The following UBE2D1 variants were observed in gnomAD, a reference collection of about 807,000 sequenced individuals.
UBE2D1 encodes ubiquitin conjugating enzyme E2 D1, also known as ubiquitin-conjugating enzyme E2 D1.
A neutral mutation model predicts 24.6 loss-of-function variants in UBE2D1; 9 were observed. The ratio of observed to expected loss-of-function variants is 0.37; its 90% confidence interval spans 0.22 to 0.64. The LOEUF is 0.64. UBE2D1 is among the 30% of genes least tolerant of loss of function. The probability of loss-of-function intolerance (pLI) is 0.64; values close to 1 mark genes in which losing one functional copy is unlikely to be tolerated. For missense variants in UBE2D1, 87 were observed against 177.1 expected (o/e 0.49, Z 2.89); for synonymous variants, 57 against 57.6 (o/e 0.99, Z 0.04).
chr10:58,368,886 C>T lies in UBE2D1; in HGVS notation c.*121C>T. On this transcript the variant is annotated 3_prime_UTR_variant, in exon 7 of 7. Transcript: ENST00000373910. ...ACCATGAAACCATTTGATTTTTACC[C>T]ATTTTAAATGTGTTTCTGAAGCAAG... The T allele has an allele frequency of 1.8e-6, 1 of 558,622 alleles. No individual in the cohort carries two copies. Among genetic ancestry groups the T allele is most frequent in the South Asian group, 4.5e-5 (1 of 22,194 alleles). The allele number at this position is 558,622 out of a possible 1,614,324, so 34.6% of individuals were successfully genotyped here.
chr10:58,359,543 G>C (rs1840171708), intron 1 of UBE2D1, among the ~76,000 whole-genome samples: 1 of 152,098 alleles, frequency 6.6e-6, no homozygotes, highest in African/African-American at 2.4e-5. Context: ...AAGGATTACA[G>C]ATTCAACATA....
At position 58,335,148 on chromosome 10, in the gene UBE2D1, T is replaced by A. The variant is rs1839887156; in HGVS notation, c.-54T>A. The A allele has an allele frequency of 2.0e-6, 3 of 1,530,228 alleles. No homozygotes were observed. The highest frequency in any genetic ancestry group is 2.6e-6 in the Non-Finnish European group (3 of 1,140,968). The allele number at this position is 1,530,228 out of a possible 1,614,324, so 94.8% of individuals were successfully genotyped here. A position where few individuals can be genotyped will look rare whatever the true frequency, so the allele number is the denominator to read the frequency against. On this transcript the variant is annotated 5_prime_UTR_variant, in exon 1 of 7. Transcript: ENST00000373910. The stretch of plus-strand genomic sequence containing the variant: ...CCCAACCCGCGACGACCCACGCCCC[T>A]GAGCCCCGCAGCCGACCCCTGCCGG...
At position 58,361,345 on chromosome 10, in the gene UBE2D1, G is replaced by A; in HGVS notation, c.32G>A (p.Ser11Asn). The stretch of plus-strand genomic sequence containing the variant: ...ATTTTTGATTTCCTTCAGGAATTGA[G>A]TGATCTACAGCGCGATCCACCTGCT... MALKRIQKEL[S>N]DLQRDPPAHC... Residue 11 changes from serine (S) to asparagine (N), a missense_variant, in exon 2 of 7, where the codon AGT becomes AAT. Transcript: ENST00000373910. 2 of 1,614,196 alleles carry A rather than the reference G, an allele frequency of 1.2e-6. No homozygotes were observed. The highest frequency in any genetic ancestry group is 1.7e-6 in the Non-Finnish European group (2 of 1,180,022).
In UBE2D1 at chr10:58,360,677, T is replaced by C. The variant is rs147317041; in HGVS notation, c.25-661T>C. ...GGCTCATGCCTGTAATTCAATACTT[T>C]GGGAGGCCGAGGCAGGTGGATCACT... On this transcript the variant is annotated intron_variant, in intron 1 of 6. Transcript: ENST00000373910. Among the ~76,000 whole-genome samples, 772 of 152,304 alleles carry C rather than the reference T, an allele frequency of 5.1e-3. 1 individual carries two copies. The highest frequency in any genetic ancestry group is 8.8e-3 in the Non-Finnish European group (596 of 68,014).
rs559176305 is a variant in UBE2D1, at chr10:58,351,677, T to TA, written c.25-9659dup. 4.2e-3 allele frequency among the ~76,000 whole-genome samples: 634 copies of TA among 152,368 alleles called. 5 individuals carry two copies. The highest frequency in any genetic ancestry group is 7.6e-3 in the Non-Finnish European group (514 of 68,040). ...TAAGTAGAAAGAGTACATGCTGACA[T>TA]AATGATTAAAAGTACAATGTAGTAA... On this transcript the variant is annotated intron_variant, in intron 1 of 6. Transcript: ENST00000373910.
At chr10:58,361,589 C>T (rs2132330468) in intron 3 of UBE2D1, 63 bp downstream of exon 3, 2 of 1,600,948 alleles carry the variant, frequency 1.2e-6, no homozygotes, top group Non-Finnish European at 1.7e-6. Context: ...TGCCATTTCA[C>T]CTTTGATCAG....
intron 1 of UBE2D1, among the ~76,000 whole-genome samples, chr10:58,338,595 C>CT (rs543720971): frequency 3.3e-5 from 5 of 152,008 alleles, no homozygotes; most frequent in African/African-American, 9.7e-5. Context: ...ACTTGAAACA[C>CT]TTTTTTTGGG....
chr10:58,369,202 A>T lies in UBE2D1; in HGVS notation c.*437A>T, dbSNP rs968036005. On this transcript the variant is annotated 3_prime_UTR_variant, in exon 7 of 7. Transcript: ENST00000373910. ...TAATTTGTATTTTTTTACTGTATAG[A>T]CTAAATATATTCTATTTACATGTAT... The T allele has an allele frequency of 6.5e-6, 1 of 152,794 alleles. No individual in the cohort carries two copies. Among genetic ancestry groups the T allele is most frequent in the African/African-American group, 2.4e-5 (1 of 41,446 alleles). The allele number at this position is 152,794 out of a possible 1,614,324, so 9.5% of individuals were successfully genotyped here.
chr10:58,339,662 G>A (rs960313332), intron 1 of UBE2D1, among the ~76,000 whole-genome samples: 3 of 151,926 alleles, frequency 2.0e-5, no homozygotes, highest in Admixed American at 6.5e-5. Flanking sequence ...TGATACTAAG[G>A]CAGGGAAATA....
chr10:58,346,311 C>T (rs976080550), intron 1 of UBE2D1, among the ~76,000 whole-genome samples: 10 of 152,000 alleles, frequency 6.6e-5, no homozygotes, highest in African/African-American at 1.7e-4. Context: ...CATACCCGGC[C>T]GGAATGAACA....
intron 1 of UBE2D1, among the ~76,000 whole-genome samples, chr10:58,355,474 A>G (rs1194556510): frequency 1.3e-5 from 2 of 152,284 alleles, no homozygotes; most frequent in East Asian, 3.9e-4. Context: ...AAGCAACGTA[A>G]TGGGTTTTGA....
Position 58,364,806 on chromosome 10 carries a change from A to C in UBE2D1, c.234A>C (p.Ile78=). 6.2e-7 allele frequency: 1 copy of C among 1,613,680 alleles called. No individual in the cohort carries two copies. The highest frequency in any genetic ancestry group is 8.5e-7 in the Non-Finnish European group (1 of 1,179,814). ...CAACAAAAATTTACCATCCAAACAT[A>C]AACAGTAATGGAAGTATTTGTCTCG... The part of the protein sequence containing the change: ...AFTTKIYHPN[I]NSNGSICLDI... The change falls in exon 5 of 7, where the codon ATA becomes ATC. Residue 78 remains isoleucine, a synonymous_variant. Transcript: ENST00000373910.
chr10:58,367,738 T>C (rs1442520424), intron 5 of UBE2D1, among the ~76,000 whole-genome samples, 185 bp from the exon 6 acceptor site: 1 of 152,186 alleles, frequency 6.6e-6, no homozygotes, highest in Admixed American at 6.5e-5. Flanking sequence ...ATGGTAATTT[T>C]ATAACTTTAA....
intron 1 of UBE2D1, among the ~76,000 whole-genome samples, chr10:58,344,559 G>GTT (rs1839996181): frequency 6.6e-6 from 1 of 151,910 alleles, no homozygotes; most frequent in African/African-American, 2.4e-5. Context: ...CTGAGCTTTG[G>GTT]CACTGTGCTA....
chr10:58,340,506 A>G (rs1489488579), intron 1 of UBE2D1, among the ~76,000 whole-genome samples: 1 of 152,176 alleles, frequency 6.6e-6, no homozygotes, highest in African/African-American at 2.4e-5. Context: ...AAAGTTTTGT[A>G]TGACTTTACT....
chr10:58,359,066 G>C (rs1840165948), intron 1 of UBE2D1, among the ~76,000 whole-genome samples: 2 of 150,248 alleles, frequency 1.3e-5, no homozygotes, highest in Non-Finnish European at 3.0e-5. Context: ...AGGTATACTG[G>C]AAAATAACAT....
chr10:58,352,058 C>CCCT (rs1388793645), intron 1 of UBE2D1, among the ~76,000 whole-genome samples: 6 of 152,098 alleles, frequency 3.9e-5, no homozygotes, highest in Admixed American at 3.3e-4. Flanking sequence ...AAAAAACTTT[C>CCCT]CCTCTACTAG....
chr10:58,361,202 C>G, intron 1 of UBE2D1, 136 bp from the exon 2 acceptor site: 1 of 843,324 alleles, frequency 1.2e-6, no homozygotes, highest in Non-Finnish European at 1.9e-6. Flanking sequence ...TGACAGAGTA[C>G]AATTTATGTT....
intron 1 of UBE2D1, chr10:58,360,858 G>A: frequency 2.4e-6 from 1 of 408,980 alleles, no homozygotes; most frequent in East Asian, 7.0e-5. Context: ...CCAGGAGGTT[G>A]AGGCTGCAGT....
Sources: gnomAD v4.1 joint callset for allele counts (sites outside exome capture counted in the v4.1 genomes callset) on GRCh38, gnomAD v4.1.1 for gene constraint, MANE v1.5 for transcripts, NCBI Gene and HGNC (gene_info 2026-07-23, HGNC 2026-07-21) for gene names.